KIAA0319: variants seen among roughly 807,000 people sequenced by gnomAD.
KIAA0319 encodes KIAA0319.
KIAA0319 carries 83 observed loss-of-function variants against 108.4 expected under a neutral mutation model. That is an observed-to-expected ratio of 0.77 (90% CI 0.64 to 0.92). The LOEUF (loss-of-function observed/expected upper bound fraction) is 0.92, where lower values mean the gene tolerates loss of function less well. Ranked by LOEUF, KIAA0319 falls within the 40% of genes least tolerant of loss-of-function variation. The pLI, the probability that KIAA0319 is intolerant of heterozygous loss-of-function variation, is 0.00. For missense variants in KIAA0319, 1,195 were observed against 1,322.4 expected, an observed-to-expected ratio of 0.90 and a Z score of 1.49; for synonymous variants, 484 against 510.4, an observed-to-expected ratio of 0.95 and a Z score of 0.70.
intron 7 of KIAA0319, among the ~76,000 whole-genome samples, chr6:24,580,666 C>G (rs1036808440): frequency 2.6e-5 from 4 of 151,996 alleles, no homozygotes; most frequent in Non-Finnish European, 5.9e-5. Flanking sequence ...GTGTAAATGT[C>G]AGATAGAGAG....
chr6:24,638,482 C>T (rs546854034), intron 1 of KIAA0319, among the ~76,000 whole-genome samples: 24 of 152,168 alleles, frequency 1.6e-4, no homozygotes, highest in Admixed American at 7.8e-4. Flanking sequence ...AAGAGGCAGC[C>T]GGGCGTGGTG....
rs192300255 is a variant in KIAA0319 at position 24,582,751 on chromosome 6, T to C, written c.1094-405A>G. ...CTGACTATCCATATCAGTTTTAACA[T>C]AGTATAATACATTGTGCTTTTCTCT... On this transcript the variant is annotated intron_variant, in intron 5 of 20. Coordinates refer to ENST00000378214, the MANE Select transcript of KIAA0319 (RefSeq NM_014809.4). 1.6e-4 allele frequency among the ~76,000 whole-genome samples: 24 copies of C among 152,090 alleles called. No individual in the cohort carries two copies. The East Asian group carries it at 3.7e-3, about 23-fold the overall frequency.
chr6:24,554,039 C>T (rs1360773783), intron 19 of KIAA0319, among the ~76,000 whole-genome samples: 4 of 152,224 alleles, frequency 2.6e-5, no homozygotes, highest in East Asian at 1.9e-4. Context: ...CCAGGTAAAA[C>T]GACCTGGGGT....
chr6:24,570,910 GC>G (rs1764633566), intron 11 of KIAA0319, among the ~76,000 whole-genome samples: 1 of 152,166 alleles, frequency 6.6e-6, no homozygotes, highest in Non-Finnish European at 1.5e-5. Flanking sequence ...GCTGATATTG[GC>G]AGGGCGTGGT....
At chr6:24,642,251 A>G (rs571997421) in intron 1 of KIAA0319, among the ~76,000 whole-genome samples, 24 of 151,824 alleles carry the variant, frequency 1.6e-4, no homozygotes, top group Admixed American at 5.9e-4. Flanking sequence ...AAAAGAAAAG[A>G]AAGAAAGGGA....
At chr6:24,551,696 T>G (rs1358837420) in intron 19 of KIAA0319, among the ~76,000 whole-genome samples, 171 bp from the exon 20 acceptor site, 1 of 152,180 alleles carries the variant, frequency 6.6e-6, no homozygotes, top group Non-Finnish European at 1.5e-5. Context: ...AGAGGGCCAT[T>G]ATGCATCTTG....
At chr6:24,603,853 C>T (rs1381188447) in intron 1 of KIAA0319, among the ~76,000 whole-genome samples, 2 of 152,112 alleles carry the variant, frequency 1.3e-5, no homozygotes, top group Admixed American at 6.5e-5. Context: ...ACTCAAATCA[C>T]GAGAGTGCCG....
chr6:24,597,978 A>T (rs961657539), intron 2 of KIAA0319: 2 of 170,700 alleles, frequency 1.2e-5, no homozygotes, highest in African/African-American at 5.0e-5. Context: ...CACCGTCTTG[A>T]ATCTCCACCT....
intron 9 of KIAA0319, among the ~76,000 whole-genome samples, chr6:24,577,439 C>CA (rs1468718740): frequency 6.6e-6 from 1 of 152,090 alleles, no homozygotes; most frequent in East Asian, 1.9e-4. Context: ...CCTCTGCAAA[C>CA]AAAAAAGAGA....
intron 10 of KIAA0319, among the ~76,000 whole-genome samples, chr6:24,575,484 C>T (rs912550428): frequency 2.0e-5 from 3 of 152,056 alleles, no homozygotes; most frequent in South Asian, 2.1e-4. Context: ...CTTGCTACAA[C>T]CCTTAGGTAG....
rs571139728 is a variant in KIAA0319 at position 24,570,054 on chromosome 6, T to G, written c.1859-19A>C. On this transcript the variant is annotated intron_variant, in intron 11 of 20. Coordinates refer to ENST00000378214, the MANE Select transcript of KIAA0319 (RefSeq NM_014809.4). Reference sequence around the variant, plus strand: ...TTGTTTTCTGGAATTACAGAAACAGTGTGAAAAAGTATTATCTCTTTGCAT... The same window carrying G: ...TTGTTTTCTGGAATTACAGAAACAGGGTGAAAAAGTATTATCTCTTTGCAT... The G allele has an allele frequency of 3.4e-5, 55 of 1,610,840 alleles. No homozygotes were observed. In the South Asian group the frequency reaches 5.8e-4, roughly 17 times the overall value.
chr6:24,587,272 T>C (rs1019009867), intron 4 of KIAA0319, among the ~76,000 whole-genome samples: 4 of 149,252 alleles, frequency 2.7e-5, no homozygotes, highest in African/African-American at 9.8e-5. Context: ...ACTATTTTCT[T>C]TTTTTTCCTT....
intron 1 of KIAA0319, among the ~76,000 whole-genome samples, chr6:24,642,809 C>T (rs2127603610): frequency 6.6e-6 from 1 of 152,236 alleles, no homozygotes; most frequent in East Asian, 1.9e-4. Context: ...ACCTCCGCCT[C>T]CCGGAGTTCA....
rs779077775 is a variant in KIAA0319 at position 24,559,113 on chromosome 6, C to T, written c.2634G>A (p.Lys878=). The change falls in exon 17 of 21, where the codon AAG becomes AAA. Residue 878 remains lysine (K), a synonymous_variant. Coordinates refer to ENST00000378214, the MANE Select transcript of KIAA0319 (RefSeq NM_014809.4). The part of the protein sequence containing the change: ...VFYVQSRPPF[K]VLKAAEVARN... Reference sequence around the variant, plus strand: ...GGGCCACTTCAGCAGCTTTGAGAACCTTGAAAGGCGGCCTGCTCTGTACAT... The same window carrying T: ...GGGCCACTTCAGCAGCTTTGAGAACTTTGAAAGGCGGCCTGCTCTGTACAT... 1 of 1,613,726 alleles carries T rather than the reference C, an allele frequency of 6.2e-7. No individual in the cohort carries two copies. Among genetic ancestry groups the T allele is most frequent in the Non-Finnish European group, 8.5e-7 (1 of 1,180,022 alleles).
intron 1 of KIAA0319, among the ~76,000 whole-genome samples, chr6:24,636,042 G>A (rs9358783): frequency 6.6e-6 from 1 of 152,088 alleles, no homozygotes. Context: ...TAAAAACAAA[G>A]GGAAGAAAGA....
chr6:24,621,474 T>A (rs1268534358), intron 1 of KIAA0319, among the ~76,000 whole-genome samples: 1 of 152,126 alleles, frequency 6.6e-6, no homozygotes, highest in Non-Finnish European at 1.5e-5. Flanking sequence ...ACACAAAAAA[T>A]ATATTCATAT....
At chr6:24,568,389 G>T (rs1393920618) in intron 13 of KIAA0319, among the ~76,000 whole-genome samples, 1 of 152,210 alleles carries the variant, frequency 6.6e-6, no homozygotes, top group Non-Finnish European at 1.5e-5. Context: ...AGTACCTAAA[G>T]CAGTATTCAC....
chr6:24,580,923 T>C lies in KIAA0319; in HGVS notation c.1279+3A>G. 2 of 1,601,076 alleles carry C rather than the reference T, an allele frequency of 1.2e-6. No individual in the cohort carries two copies. The highest frequency in any genetic ancestry group is 2.2e-5 in the South Asian group (2 of 90,786). Reference sequence around the variant, plus strand: ...AGGAGGTCATTCTCTTACACCGGCTTACCAGGCTTAACAGTGACATTGACA... The same window carrying C: ...AGGAGGTCATTCTCTTACACCGGCTCACCAGGCTTAACAGTGACATTGACA... On this transcript the variant is annotated splice_donor_region_variant and intron_variant, in intron 7 of 20. Coordinates refer to ENST00000378214, the MANE Select transcript of KIAA0319 (RefSeq NM_014809.4).
intron 1 of KIAA0319, among the ~76,000 whole-genome samples, chr6:24,628,442 T>G (rs571738850): frequency 3.7e-4 from 56 of 152,228 alleles, no homozygotes; most frequent in African/African-American, 1.3e-3. Flanking sequence ...GCCCTGTGGG[T>G]TTTTAAAAGA....
Sources: gnomAD v4.1 joint callset for allele counts (sites outside exome capture counted in the v4.1 genomes callset) on GRCh38, gnomAD v4.1.1 for gene constraint, MANE v1.5 for transcripts, NCBI Gene and HGNC (gene_info 2026-07-23, HGNC 2026-07-21) for gene names.